NRXN1: variants seen among roughly 807,000 people sequenced by gnomAD.
NRXN1 encodes the protein neurexin-1.
A neutral mutation model predicts 150.9 loss-of-function variants in NRXN1; 39 were observed. The observed-to-expected ratio is 0.26, with a 90% confidence interval of 0.20 to 0.34. The LOEUF (loss-of-function observed/expected upper bound fraction) is 0.34, where lower values mean the gene tolerates loss of function less well. NRXN1 is among the 10% of genes least tolerant of loss of function. The pLI is 1.00. For synonymous variants in NRXN1, 924 were observed against 757.0 expected, an observed-to-expected ratio of 1.22 and a Z score of -3.62; for missense variants, 1,815 against 1,949.9, an observed-to-expected ratio of 0.93 and a Z score of 1.30.
intron 5 of NRXN1, chr2:50,919,239 T>C (rs1046992923): frequency 6.6e-6 from 1 of 151,734 alleles, no homozygotes; most frequent in African/African-American, 2.4e-5. Flanking sequence ...CCCTGAGTTG[T>C]TATGGAGCAC....
intron 2 of NRXN1, among the ~76,000 whole-genome samples, chr2:51,004,578 G>A (rs1482405229): frequency 6.6e-6 from 1 of 151,930 alleles, no homozygotes; most frequent in African/African-American, 2.4e-5. Flanking sequence ...GGGAGGCAGA[G>A]GATGCAGTGA....
intron 17 of NRXN1, among the ~76,000 whole-genome samples, chr2:50,317,190 G>A (rs1161905808): frequency 2.0e-5 from 3 of 151,928 alleles, no homozygotes; most frequent in African/African-American, 4.8e-5. Context: ...CAGAAGGAGA[G>A]GGGAAAGAGA....
At chr2:50,649,580 C>G (rs1685311762) in intron 5 of NRXN1, among the ~76,000 whole-genome samples, 1 of 152,064 alleles carries the variant, frequency 6.6e-6, no homozygotes, top group East Asian at 1.9e-4. Flanking sequence ...CTGTTACCCC[C>G]TCTTTGCTTG....
chr2:49,998,732 G>A (rs567474791), intron 21 of NRXN1, among the ~76,000 whole-genome samples: 45 of 152,060 alleles, frequency 3.0e-4, no homozygotes, highest in African/African-American at 8.0e-4. Context: ...ACGTCGCTGC[G>A]ATACACAGAG....
At chr2:50,444,070 C>T in intron 17 of NRXN1, among the ~76,000 whole-genome samples, 1 of 152,124 alleles carries the variant, frequency 6.6e-6, no homozygotes, top group Non-Finnish European at 1.5e-5. Flanking sequence ...TTCACTTCCT[C>T]CTTCACTGCT....
At chr2:50,786,465 C>T (rs962858575) in intron 5 of NRXN1, among the ~76,000 whole-genome samples, 1 of 152,070 alleles carries the variant, frequency 6.6e-6, no homozygotes, top group African/African-American at 2.4e-5. Context: ...CAACACAGGG[C>T]TTGGGTTTTC....
chr2:50,128,756 G>T (rs1454603317), intron 18 of NRXN1, among the ~76,000 whole-genome samples: 2 of 152,028 alleles, frequency 1.3e-5, no homozygotes, highest in East Asian at 1.9e-4. Flanking sequence ...GCTGAGGGGG[G>T]TGGATCGCCT....
At chr2:50,758,349 C>T (rs968878041) in intron 5 of NRXN1, among the ~76,000 whole-genome samples, 1 of 151,660 alleles carries the variant, frequency 6.6e-6, no homozygotes, top group African/African-American at 2.4e-5. Context: ...ATTTGAAAGC[C>T]CAAATGCAGA....
At chr2:50,045,847 C>G (rs1028222834) in intron 21 of NRXN1, among the ~76,000 whole-genome samples, 3 of 152,098 alleles carry the variant, frequency 2.0e-5, no homozygotes, top group African/African-American at 7.2e-5. Flanking sequence ...AGACTTCATT[C>G]AATATCTCCA....
At chr2:50,010,406 T>C (rs1685462922) in intron 21 of NRXN1, among the ~76,000 whole-genome samples, 1 of 152,132 alleles carries the variant, frequency 6.6e-6, no homozygotes. Flanking sequence ...TCTTATCTTT[T>C]TAAAATATCC....
chr2:50,437,091 A>C (rs927653120), intron 17 of NRXN1, among the ~76,000 whole-genome samples: 1 of 152,194 alleles, frequency 6.6e-6, no homozygotes, highest in African/African-American at 2.4e-5. Context: ...CCACACAAGC[A>C]CACCTACTTT....
chr2:50,389,398 G>A (rs1471052747), intron 17 of NRXN1, among the ~76,000 whole-genome samples: 2 of 150,868 alleles, frequency 1.3e-5, no homozygotes, highest in African/African-American at 4.9e-5. Flanking sequence ...CTGAGACAAT[G>A]TCCACCAGCA....
rs553836233 is a variant in NRXN1, at chr2:50,061,011, T to C, written c.3719-5967A>G. On this transcript the variant is annotated intron_variant, in intron 19 of 22. Transcript: ENST00000401669. ...AATCCTTCCACCATTAGGTATAAAA[T>C]AGTTCAGAATGTTTAGGTTCTCCAG... is the stretch of plus-strand genomic sequence containing the variant. 2.0e-5 allele frequency among the ~76,000 whole-genome samples: 3 copies of C among 152,308 alleles called. No individual in the cohort carries two copies. The South Asian group carries it at 6.2e-4, about 32-fold the overall frequency.
At chr2:50,206,659 C>A (rs971859495) in intron 18 of NRXN1, among the ~76,000 whole-genome samples, 1 of 152,074 alleles carries the variant, frequency 6.6e-6, no homozygotes, top group East Asian at 1.9e-4. Context: ...GGTTGACAAT[C>A]TGAAACAATG....
chr2:50,412,435 C>A (rs2083260731), intron 17 of NRXN1, among the ~76,000 whole-genome samples: 1 of 151,944 alleles, frequency 6.6e-6, no homozygotes, highest in Admixed American at 6.5e-5. Flanking sequence ...GGGTTATATA[C>A]CAGGGCAAAA....
At chr2:50,808,441 A>C (rs1396514612) in intron 5 of NRXN1, among the ~76,000 whole-genome samples, 1 of 152,104 alleles carries the variant, frequency 6.6e-6, no homozygotes, top group Non-Finnish European at 1.5e-5. Flanking sequence ...TTTTAGGATT[A>C]AGAGATATAG....
chr2:50,397,161 C>T (rs530941694), intron 17 of NRXN1, among the ~76,000 whole-genome samples: 4 of 152,138 alleles, frequency 2.6e-5, no homozygotes, highest in African/African-American at 7.2e-5. Context: ...CATTCTGGCC[C>T]TGTGAAGAAA....
chr2:50,290,941 AG>A (rs1348290437), intron 17 of NRXN1, among the ~76,000 whole-genome samples: 1 of 152,126 alleles, frequency 6.6e-6, no homozygotes, highest in African/African-American at 2.4e-5. Flanking sequence ...ATTTTTTCTC[AG>A]GGCCTATTTG....
Position 51,027,739 on chromosome 2 carries a change from G to C in NRXN1, c.535C>G (p.Pro179Ala). ...ACGTCACGAATCCACCCCTTGAAGG[G>C]CTCCCGCTCCCTCACCGAGGCCAGG... ...LTLASVRERE[P>A]FKGWIRDVRV... Residue 179 changes from proline to alanine, a missense_variant, in exon 2 of 23, where the codon CCC becomes GCC. Physicochemically the swap from Pro to Ala is conservative, Grantham distance 27. Transcript: ENST00000401669. 6.2e-7 allele frequency: 1 copy of C among 1,611,592 alleles called. No individual in the cohort carries two copies. The highest frequency in any genetic ancestry group is 8.5e-7 in the Non-Finnish European group (1 of 1,178,876).
Sources: gnomAD v4.1 joint callset for allele counts (sites outside exome capture counted in the v4.1 genomes callset) on GRCh38, gnomAD v4.1.1 for gene constraint, MANE v1.5 for transcripts, NCBI Gene and HGNC (gene_info 2026-07-23, HGNC 2026-07-21) for gene names.